Variants in SLC6A3 observed in about 807,000 individuals in gnomAD.
SLC6A3 encodes the protein solute carrier family 6 member 3.
Under a neutral mutation model 70.4 loss-of-function variants are expected in SLC6A3, and 19 were observed. The observed-to-expected ratio is 0.27, with a 90% CI of 0.19 to 0.40. SLC6A3 has a LOEUF of 0.40. Ranked by LOEUF, SLC6A3 falls within the 10% of genes least tolerant of loss-of-function variation. The pLI, the probability that SLC6A3 is intolerant of heterozygous loss-of-function variation, is 1.00. For synonymous variants in SLC6A3, 368 were observed against 356.6 expected (o/e 1.03, Z -0.36); for missense variants, 613 against 838.5 (o/e 0.73, Z 3.32).
chr5:1,409,840 T>A lies in SLC6A3; in HGVS notation c.1279A>T (p.Met427Leu). Residue 427 changes from methionine (M) to leucine (L), a missense_variant, in exon 10 of 15, where the codon ATG (methionine) becomes TTG (leucine). Met to Leu is a conservative substitution (Grantham distance 15). Around this residue, in one of 4 missense-constraint regions of SLC6A3, gnomAD observed 348 missense variants for 481.2 expected, o/e 0.72. Coordinates refer to ENST00000270349, the MANE Select transcript of SLC6A3 (RefSeq NM_001044.5). ...TLGIDSAMGG[M>L]ESVITGLIDE... ...ATGAGCCCGGTGATCACTGACTCCA[T>A]ACCACCCATCTGCACACAGAGCACA... The A allele has an allele frequency of 6.2e-7, 1 of 1,613,280 alleles. No individual in the cohort carries two copies. Among genetic ancestry groups the A allele is most frequent in the Non-Finnish European group, 8.5e-7 (1 of 1,180,008 alleles).
chr5:1,434,734 C>G (rs141609197), intron 3 of SLC6A3, among the ~76,000 whole-genome samples: 1 of 152,136 alleles, frequency 6.6e-6, no homozygotes, highest in African/African-American at 2.4e-5. Context: ...TGTTCATGGC[C>G]GGGGTAGGAG....
rs1756126624 is a variant in SLC6A3 at position 1,411,550 on chromosome 5, G to C, written c.1157-195C>G. On this transcript the variant is annotated intron_variant, in intron 8 of 14. Transcript: ENST00000270349. This position sits in a 1 kb window ranked among gnomAD's most constrained non-coding sequence, Gnocchi z 6.5. The stretch of plus-strand genomic sequence containing the variant: ...CTCAGGAAAGCGGAAACCCAGAACT[G>C]ATCAGAGGGCTTTGGTTCATGCCCA... Among the ~76,000 whole-genome samples, 1 of 152,192 alleles carries C rather than the reference G, an allele frequency of 6.6e-6. No individual in the cohort carries two copies. Among genetic ancestry groups the C allele is most frequent in the Non-Finnish European group, 1.5e-5 (1 of 68,034 alleles).
chr5:1,417,340 A>G (rs10071624), intron 6 of SLC6A3, among the ~76,000 whole-genome samples: 130 of 152,340 alleles, frequency 8.5e-4, no homozygotes, highest in African/African-American at 3.1e-3. Context: ...ATGCTGCATG[A>G]TGGCAGCACC....
At chr5:1,416,720 C>G in intron 6 of SLC6A3, 1 of 255,388 alleles carries the variant, frequency 3.9e-6, no homozygotes, top group Non-Finnish European at 7.7e-6. Flanking sequence ...TCCTAATAGC[C>G]CTCGGAACAG....
chr5:1,426,110 C>T (rs757311361), intron 4 of SLC6A3, among the ~76,000 whole-genome samples: 23 of 152,164 alleles, frequency 1.5e-4, no homozygotes, highest in Non-Finnish European at 2.9e-4. Flanking sequence ...AAAAATTAAA[C>T]ACAGAATTAT....
rs1290535608 is a variant in SLC6A3 at position 1,401,184 on chromosome 5, A to C, written c.1768-198T>G. The C allele has an allele frequency of 4.3e-6, 3 of 700,664 alleles. No homozygotes were observed. The highest frequency in any genetic ancestry group is 1.5e-5 in the South Asian group (1 of 66,746). The allele number at this position is 700,664 out of a possible 1,614,324, so 43.4% of individuals were successfully genotyped here. ...CACTGCCAGTGCCCATGCCGACCAG[A>C]CAGCCAGTCAGGCCCGAAGCCAACA... On this transcript the variant is annotated intron_variant, in intron 13 of 14. Transcript: ENST00000270349. The surrounding 1 kb of genome is among the most constrained non-coding windows in gnomAD (Gnocchi z 6.1).
chr5:1,401,003 G>A lies in SLC6A3; in HGVS notation c.1768-17C>T. 2 of 1,582,308 alleles carry A rather than the reference G, an allele frequency of 1.3e-6. No individual in the cohort carries two copies. Among genetic ancestry groups the A allele is most frequent in the Non-Finnish European group, 1.7e-6 (2 of 1,160,126 alleles). On this transcript the variant is annotated splice_polypyrimidine_tract_variant and intron_variant, in intron 13 of 14. Coordinates refer to ENST00000270349, the MANE Select transcript of SLC6A3 (RefSeq NM_001044.5). The surrounding 1 kb of genome is among the most constrained non-coding windows in gnomAD (Gnocchi z 6.1). ...GGCCAGTTTCTGAAAGAGAAAGAGA[G>A]TGCAGGGGTCAGTGCAGACCAGTAC...
intron 4 of SLC6A3, among the ~76,000 whole-genome samples, chr5:1,431,733 G>A (rs1233743274): frequency 1.3e-5 from 2 of 152,076 alleles, no homozygotes; most frequent in African/African-American, 4.8e-5. Flanking sequence ...GCCTGGCTGG[G>A]GTGGGCAGTG....
At chr5:1,416,245 A>G in intron 6 of SLC6A3, 44 bp from the exon 7 acceptor site, 2 of 1,467,844 alleles carry the variant, frequency 1.4e-6, no homozygotes, top group Non-Finnish European at 1.9e-6. Context: ...AGGAGAACGC[A>G]GGCCACAGGC....
In SLC6A3 at chr5:1,413,272, TTGAC is replaced by T. The variant is rs1756169716; in HGVS notation, c.1156+1415_1156+1418del. 7.9e-5 allele frequency among the ~76,000 whole-genome samples: 12 copies of T among 152,240 alleles called. No homozygotes were observed. Among genetic ancestry groups the T allele is most frequent in the Admixed American group, 7.8e-4 (12 of 15,290 alleles). On this transcript the variant is annotated intron_variant, in intron 8 of 14. Coordinates refer to ENST00000270349, the MANE Select transcript of SLC6A3 (RefSeq NM_001044.5). This position sits in a 1 kb window ranked among gnomAD's most constrained non-coding sequence, Gnocchi z 7.1. ...TTGCAGATGTTCCCTTTCTCCCGCT[TTGAC>T]TGAATTTTTTTTCCTAGTGGAAAGA...
At position 1,394,899 on chromosome 5, in the gene SLC6A3, C is replaced by T. The variant is rs1263136190; in HGVS notation, c.1840-141G>A. On this transcript the variant is annotated intron_variant, in intron 14 of 14. Transcript: ENST00000270349. The surrounding 1 kb of genome is among the most constrained non-coding windows in gnomAD (Gnocchi z 4.7). ...ATGTGCCCTGGGAGAAGGGGAGGCT[C>T]ACTGGGGGCCTGGACCAACACACCC... 6 of 864,964 alleles carry T rather than the reference C, an allele frequency of 6.9e-6. No individual in the cohort carries two copies. Among genetic ancestry groups the T allele is most frequent in the Non-Finnish European group, 9.7e-6 (5 of 516,104 alleles). 53.6% of individuals were successfully genotyped at this position (864,964 alleles called of 1,614,324 possible).
chr5:1,436,800 C>G lies in SLC6A3; in HGVS notation c.419-4102G>C, dbSNP rs1194602170. ...CTTCGCCCACCAGAGCACGGCCACC[C>G]TGCCCCACCCCTGAACACCAGTACA... On this transcript the variant is annotated intron_variant, in intron 3 of 14. Transcript: ENST00000270349. The surrounding 1 kb of genome is among the most constrained non-coding windows in gnomAD (Gnocchi z 5.2). 6.6e-6 allele frequency among the ~76,000 whole-genome samples: 1 copy of G among 152,222 alleles called. No individual in the cohort carries two copies. Among genetic ancestry groups the G allele is most frequent in the Non-Finnish European group, 1.5e-5 (1 of 68,044 alleles).
chr5:1,422,283 G>A (rs1338086105), intron 4 of SLC6A3, among the ~76,000 whole-genome samples: 2 of 152,168 alleles, frequency 1.3e-5, no homozygotes, highest in African/African-American at 2.4e-5. Flanking sequence ...CTGGAGCTGC[G>A]GAGGCGGAGG....
At chr5:1,403,592 G>T (rs1203248556) in intron 12 of SLC6A3, among the ~76,000 whole-genome samples, 2 of 150,372 alleles carry the variant, frequency 1.3e-5, no homozygotes, top group Non-Finnish European at 2.9e-5. Flanking sequence ...TCTATTCCTT[G>T]CTTGAAATCA....
In SLC6A3 at chr5:1,432,642, T is replaced by C. The variant is rs767655446; in HGVS notation, c.475A>G (p.Ile159Val). The C allele has an allele frequency of 3.1e-6, 5 of 1,614,096 alleles. No homozygotes were observed. Among genetic ancestry groups the C allele is most frequent in the Non-Finnish European group, 4.2e-6 (5 of 1,179,996 alleles). Residue 159 changes from isoleucine (I) to valine (V), a missense_variant, in exon 4 of 15, where the codon ATC becomes GTC. Around this residue, in one of 4 missense-constraint regions of SLC6A3, gnomAD observed 153 missense variants for 249.4 expected, o/e 0.61. Coordinates refer to ENST00000270349, the MANE Select transcript of SLC6A3 (RefSeq NM_001044.5). ...SLYVGFFYNV[I>V]IAWALHYLFS... ...AGATAGTGCAGCGCCCAGGCGATGA[T>C]GACGTTGTAGAAGAAGCCGACATAC...
chr5:1,408,543 TG>T lies in SLC6A3; in HGVS notation c.1498+482del, dbSNP rs1756041405. Among the ~76,000 whole-genome samples, 1 of 152,050 alleles carries T rather than the reference TG, an allele frequency of 6.6e-6. No individual in the cohort carries two copies. Among genetic ancestry groups the T allele is most frequent in the African/African-American group, 2.4e-5 (1 of 41,408 alleles). ...TTTCTGTTGCTGTTTAAACCACTGG[TG>T]GAAGTCCCAGGACACAGCTGGGGCA... On this transcript the variant is annotated intron_variant, in intron 11 of 14. Transcript: ENST00000270349. This position sits in a 1 kb window ranked among gnomAD's most constrained non-coding sequence, Gnocchi z 6.4.
chr5:1,410,545 G>C (rs140512419), intron 9 of SLC6A3, among the ~76,000 whole-genome samples: 109 of 152,266 alleles, frequency 7.2e-4, no homozygotes, highest in African/African-American at 2.3e-3. Context: ...GCCCAGGGCC[G>C]ATCAAGGGCT....
chr5:1,443,704 C>T (rs982424203), intron 1 of SLC6A3, among the ~76,000 whole-genome samples: 5 of 151,620 alleles, frequency 3.3e-5, no homozygotes. Context: ...CATGAGGTCT[C>T]GCTCTGTCAC....
intron 9 of SLC6A3, 87 bp from the exon 10 acceptor site, chr5:1,409,936 G>A: frequency 1.9e-6 from 3 of 1,539,398 alleles, no homozygotes; most frequent in South Asian, 1.1e-5. Flanking sequence ...CCCAGTGGAC[G>A]CACACCCGGG....
Sources: gnomAD v4.1 joint callset for allele counts (sites outside exome capture counted in the v4.1 genomes callset) on GRCh38, gnomAD v4.1.1 for gene constraint, gnomAD v4.1.1 regional missense constraint, Gnocchi (gnomAD v3.1) non-coding constraint, MANE v1.5 for transcripts, NCBI Gene and HGNC (gene_info 2026-07-23, HGNC 2026-07-21) for gene names.